SEMA6A: variants seen among roughly 807,000 people sequenced by gnomAD.
The protein encoded by SEMA6A is semaphorin-6A.
Under a neutral mutation model 96.8 loss-of-function variants are expected in SEMA6A, and 25 were observed. The observed-to-expected ratio is 0.26, with a 90% CI of 0.19 to 0.36. The LOEUF is 0.36. Ranked by LOEUF, SEMA6A falls within the 10% of genes least tolerant of loss-of-function variation. The pLI, the probability that SEMA6A is intolerant of heterozygous loss-of-function variation, is 1.00. For missense variants in SEMA6A, 1,363 were observed against 1,323.1 expected (o/e 1.03, Z -0.47); for synonymous variants, 612 against 518.0 (o/e 1.18, Z -2.46).
intron 1 of SEMA6A, among the ~76,000 whole-genome samples, chr5:116,517,954 T>G (rs184212442): frequency 5.3e-5 from 8 of 152,326 alleles, no homozygotes; most frequent in Non-Finnish European, 1.2e-4. Flanking sequence ...CAATGGAATA[T>G]GCCTGGTCAC....
At chr5:116,564,483 G>A (rs1411356792) in intron 1 of SEMA6A, among the ~76,000 whole-genome samples, 1 of 152,180 alleles carries the variant, frequency 6.6e-6, no homozygotes, top group Non-Finnish European at 1.5e-5. Context: ...CTTGAGAAAT[G>A]GAAACTGAAA....
chr5:116,487,126 A>C (rs1757090639), intron 9 of SEMA6A, 160 bp from the exon 10 acceptor site: 2 of 602,680 alleles, frequency 3.3e-6, no homozygotes, highest in African/African-American at 3.7e-5. Flanking sequence ...AGAAAAAAAG[A>C]GGAAAACTCA....
At chr5:116,484,846 ATCT>A (rs1339939095) in intron 10 of SEMA6A, among the ~76,000 whole-genome samples, 1 of 152,186 alleles carries the variant, frequency 6.6e-6, no homozygotes, top group Non-Finnish European at 1.5e-5. Flanking sequence ...CAAGGAGCAG[ATCT>A]TTGCTCCGAT....
chr5:116,551,890 G>C (rs1760429689), intron 1 of SEMA6A, among the ~76,000 whole-genome samples: 1 of 152,170 alleles, frequency 6.6e-6, no homozygotes, highest in Non-Finnish European at 1.5e-5. Flanking sequence ...TAACGTATCA[G>C]GAGCCATCAA....
At chr5:116,566,211 G>A (rs773709556) in intron 1 of SEMA6A, among the ~76,000 whole-genome samples, 38 of 152,156 alleles carry the variant, frequency 2.5e-4, no homozygotes, top group Non-Finnish European at 3.5e-4. Flanking sequence ...TCTTTGAAGC[G>A]TAGAGGGGCA....
At chr5:116,471,316 G>A (rs1038125228) in intron 17 of SEMA6A, 6 of 152,138 alleles carry the variant, frequency 3.9e-5, no homozygotes, top group Non-Finnish European at 8.8e-5. Context: ...AGTGATTTTT[G>A]TTCATAAGAG....
chr5:116,509,715 G>A (rs747467215), intron 1 of SEMA6A, among the ~76,000 whole-genome samples: 10 of 152,236 alleles, frequency 6.6e-5, no homozygotes, highest in South Asian at 2.1e-4. Flanking sequence ...GAGAGATGAG[G>A]TAGGGGCGGC....
At chr5:116,467,876 C>T (rs1426111920) in intron 17 of SEMA6A, 129 bp from the exon 18 acceptor site, 13 of 717,000 alleles carry the variant, frequency 1.8e-5, no homozygotes, top group African/African-American at 8.1e-5. Flanking sequence ...AGAAATGACA[C>T]GGCTTAGTGG....
intron 1 of SEMA6A, chr5:116,554,692 A>C (rs1760543154): frequency 6.6e-6 from 1 of 152,230 alleles, no homozygotes; most frequent in Non-Finnish European, 1.5e-5. Context: ...GTTTCAATTA[A>C]GTATATACAT....
At position 116,480,263 on chromosome 5, in the gene SEMA6A, G is replaced by A. The variant is rs1347249588; in HGVS notation, c.1109C>T (p.Ala370Val). 3 of 1,613,628 alleles carry A rather than the reference G, an allele frequency of 1.9e-6. No individual in the cohort carries two copies. The highest frequency in any genetic ancestry group is 1.3e-5 in the African/African-American group (1 of 74,930). ...ATATCTTTCTAAGGAGGATGAGCCAGCACAGCAACCTGGCCTAAAATGAAA... is the reference window on the plus strand; with the variant it reads ...ATATCTTTCTAAGGAGGATGAGCCAACACAGCAACCTGGCCTAAAATGAAA... ...RVPKPRPGCC[A>V]GSSSLERYAT... Residue 370 changes from alanine (A) to valine (V), a missense_variant, in exon 12 of 19, where the codon GCT (alanine) becomes GTT (valine). Physicochemically the swap from Ala to Val is moderately conservative, Grantham distance 64 (BLOSUM62 0). Coordinates refer to ENST00000343348, the MANE Select transcript of SEMA6A (RefSeq NM_020796.5).
chr5:116,470,531 AC>A (rs1756060205), intron 17 of SEMA6A, among the ~76,000 whole-genome samples: 1 of 152,200 alleles, frequency 6.6e-6, no homozygotes, highest in Non-Finnish European at 1.5e-5. Flanking sequence ...GAGGTTAGAT[AC>A]CCTTCATACT....
Position 116,497,282 on chromosome 5 carries a change from T to C in SEMA6A, c.279+45A>G. The C allele has an allele frequency of 2.5e-6, 3 of 1,204,888 alleles. No homozygotes were observed. In the South Asian group the frequency reaches 3.9e-5, roughly 15 times the overall value. 74.6% of individuals were successfully genotyped at this position (1,204,888 alleles called of 1,614,324 possible). A position where few individuals can be genotyped will look rare whatever the true frequency, so the allele number is the denominator to read the frequency against. ...AAATACATATTCTGTTCAAGAACTATCCAAAGGTCCTTCATTTTACAAATA... is the reference window on the plus strand; with the variant it reads ...AAATACATATTCTGTTCAAGAACTACCCAAAGGTCCTTCATTTTACAAATA... On this transcript the variant is annotated intron_variant, in intron 4 of 18. Transcript: ENST00000343348.
chr5:116,478,234 C>T lies in SEMA6A; in HGVS notation c.1428-80G>A, dbSNP rs768858521. The T allele has an allele frequency of 2.0e-6, 3 of 1,497,830 alleles. No homozygotes were observed. The East Asian group carries it at 7.2e-5, about 36-fold the overall frequency. 92.8% of individuals were successfully genotyped at this position (1,497,830 alleles called of 1,614,324 possible). A position where few individuals can be genotyped will look rare whatever the true frequency, so the allele number is the denominator to read the frequency against. On this transcript the variant is annotated intron_variant, in intron 13 of 18. Transcript: ENST00000343348. ...CCCACCCTCACATCCCACTTCCCAG[C>T]CCACAAGGCAATCTCTTAATCTAAC...
intron 1 of SEMA6A, among the ~76,000 whole-genome samples, chr5:116,510,743 C>T (rs996049493): frequency 3.3e-5 from 5 of 152,072 alleles, no homozygotes; most frequent in African/African-American, 1.2e-4. Flanking sequence ...AGTCACTAAG[C>T]TTCTTATCTC....
chr5:116,472,691 G>A, intron 17 of SEMA6A: 1 of 498,332 alleles, frequency 2.0e-6, no homozygotes, highest in Non-Finnish European at 3.5e-6. Context: ...TTAGGACTCA[G>A]TCTCCCACAT....
chr5:116,508,913 G>T (rs1758270370), intron 1 of SEMA6A, among the ~76,000 whole-genome samples: 1 of 152,198 alleles, frequency 6.6e-6, no homozygotes. Context: ...GCTGCGTGAG[G>T]TATTCTGTTC....
intron 1 of SEMA6A, among the ~76,000 whole-genome samples, chr5:116,530,518 C>T (rs1260771155): frequency 6.6e-6 from 1 of 152,118 alleles, no homozygotes; most frequent in East Asian, 1.9e-4. Context: ...TGAAATCTGG[C>T]ATCCCAGATG....
At chr5:116,508,898 A>G (rs745767265) in intron 1 of SEMA6A, among the ~76,000 whole-genome samples, 5 of 152,096 alleles carry the variant, frequency 3.3e-5, no homozygotes, top group East Asian at 1.9e-4. Context: ...CAGGACATCA[A>G]CGTTGCTGCG....
chr5:116,538,855 A>G (rs1450680783), intron 1 of SEMA6A, among the ~76,000 whole-genome samples: 1 of 152,100 alleles, frequency 6.6e-6, no homozygotes, highest in Non-Finnish European at 1.5e-5. Context: ...CTATTCCACA[A>G]CAGGGGCACC....
Sources: allele counts gnomAD v4.1 joint callset (sites outside exome capture counted in the v4.1 genomes callset), GRCh38; gene constraint gnomAD v4.1.1; transcripts MANE v1.5; gene names NCBI Gene and HGNC (gene_info 2026-07-23, HGNC 2026-07-21).